ST18: variants seen among roughly 807,000 people sequenced by gnomAD.
ST18 encodes suppression of tumorigenicity 18 protein.
A neutral mutation model predicts 110.0 loss-of-function variants in ST18; 50 were observed. The observed-to-expected ratio is 0.45, with a 90% CI of 0.36 to 0.58. The LOEUF (loss-of-function observed/expected upper bound fraction) is 0.58. Ranked by LOEUF, ST18 falls within the 20% of genes least tolerant of loss-of-function variation. The pLI is 0.00. For missense variants in ST18, 1,306 were observed against 1,280.1 expected (o/e 1.02, Z -0.31); for synonymous variants, 461 against 452.4 (o/e 1.02, Z -0.24).
chr8:52,121,948 C>T (rs192559166), intron 23 of ST18, among the ~76,000 whole-genome samples: 91 of 152,270 alleles, frequency 6.0e-4, no homozygotes, highest in Admixed American at 3.5e-3. Context: ...CAGGTTCAAG[C>T]GATTCTCCTG....
At chr8:52,256,520 G>T (rs138121790) in intron 2 of ST18, among the ~76,000 whole-genome samples, 12 of 152,202 alleles carry the variant, frequency 7.9e-5, no homozygotes, top group East Asian at 7.7e-4. Context: ...GAGTCAGTGC[G>T]CTCCGTCATC....
chr8:52,186,072 A>G (rs954200164), intron 8 of ST18, among the ~76,000 whole-genome samples: 2 of 152,206 alleles, frequency 1.3e-5, no homozygotes, highest in Middle Eastern at 3.2e-3. Flanking sequence ...CCGCTTCTTG[A>G]TATGCATACT....
chr8:52,112,916 C>T lies in ST18; in HGVS notation c.*282G>A. ...TTATAAAAATGTCACATTTATTTTA[C>T]ATATACTTTACAAAAAAAAAAAGAG... is the stretch of plus-strand genomic sequence containing the variant. On this transcript the variant is annotated 3_prime_UTR_variant, in exon 26 of 26. Transcript: ENST00000689386. 1 of 229,054 alleles carries T rather than the reference C, an allele frequency of 4.4e-6. No individual in the cohort carries two copies. The highest frequency in any genetic ancestry group is 7.8e-6 in the Non-Finnish European group (1 of 127,430). 14.2% of individuals were successfully genotyped at this position (229,054 alleles called of 1,614,324 possible). A position where few individuals can be genotyped will look rare whatever the true frequency, so the allele number is the denominator to read the frequency against.
chr8:52,161,266 T>C, intron 14 of ST18, 109 bp downstream of exon 14: 1 of 1,060,378 alleles, frequency 9.4e-7, no homozygotes, highest in Admixed American at 2.6e-5. Flanking sequence ...TCCTGCCAGC[T>C]GTATGTAGTA....
At chr8:52,264,185 G>A (rs756057521) in intron 2 of ST18, among the ~76,000 whole-genome samples, 18 of 152,232 alleles carry the variant, frequency 1.2e-4, no homozygotes, top group Admixed American at 2.6e-4. Flanking sequence ...TTTTTCAACT[G>A]AATTTACATC....
chr8:52,367,931 T>G (rs554181339), intron 2 of ST18, among the ~76,000 whole-genome samples: 1 of 152,340 alleles, frequency 6.6e-6, no homozygotes, highest in African/African-American at 2.4e-5. Flanking sequence ...TAAAAATTAG[T>G]AGTCTAGTGA....
chr8:52,125,504 G>C (rs1382216107), intron 23 of ST18, among the ~76,000 whole-genome samples: 1 of 152,138 alleles, frequency 6.6e-6, no homozygotes, highest in Non-Finnish European at 1.5e-5. Flanking sequence ...TTTGTTTAGA[G>C]ATAGGGCCTC....
chr8:52,137,685 A>G (rs968012950), intron 17 of ST18: 17 of 509,524 alleles, frequency 3.3e-5, no homozygotes, highest in Non-Finnish European at 5.5e-5. Flanking sequence ...TCATAGCATG[A>G]TGAGTTACTT....
chr8:52,151,611 G>A (rs1280626217), intron 15 of ST18, among the ~76,000 whole-genome samples: 3 of 152,158 alleles, frequency 2.0e-5, no homozygotes, highest in Admixed American at 2.0e-4. Context: ...AGTGCCACGT[G>A]TGCTCTCTCT....
Position 52,172,028 on chromosome 8 carries a change from A to C in ST18, c.833T>G (p.Val278Gly), listed in dbSNP as rs1242090213. The C allele has an allele frequency of 1.2e-6, 2 of 1,614,082 alleles. No individual in the cohort carries two copies. The highest frequency in any genetic ancestry group is 2.2e-5 in the South Asian group (2 of 91,080). Reference sequence around the variant, plus strand: ...CAGGCTCTCGCTATCTTCCTCCTCAACGTCAGGGAATGAGGGCTGGGCATT... The same window carrying C: ...CAGGCTCTCGCTATCTTCCTCCTCACCGTCAGGGAATGAGGGCTGGGCATT... The part of the protein sequence containing the change: ...DGNAQPSFPD[V>G]EEEDSESLAV... Residue 278 changes from valine (V) to glycine (G), a missense_variant, in exon 10 of 26, where the codon GTT becomes GGT. Transcript: ENST00000689386.
chr8:52,201,833 C>T (rs2078085029), intron 8 of ST18, among the ~76,000 whole-genome samples: 1 of 152,146 alleles, frequency 6.6e-6, no homozygotes, highest in African/African-American at 2.4e-5. Flanking sequence ...TCATTGATTC[C>T]AGTTTTGTTT....
chr8:52,125,817 A>G (rs1391977814), intron 23 of ST18: 1 of 498,204 alleles, frequency 2.0e-6, no homozygotes, highest in African/African-American at 1.9e-5. Context: ...AATCCATCAT[A>G]CCCCACTGCC....
chr8:52,241,721 C>T (rs962706432), intron 2 of ST18, among the ~76,000 whole-genome samples: 1 of 152,192 alleles, frequency 6.6e-6, no homozygotes, highest in Non-Finnish European at 1.5e-5. Context: ...CTGATAGTTA[C>T]GTTTTTGACT....
rs76754409 is a variant in ST18, at chr8:52,353,820, C to T, written c.-465+55508G>A. Reference sequence around the variant, plus strand: ...GAATGTCAATTTCTGCCTCTCCCTTCGCCTCTGCTGTACTTAAGACTCCCG... The same window carrying T: ...GAATGTCAATTTCTGCCTCTCCCTTTGCCTCTGCTGTACTTAAGACTCCCG... On this transcript the variant is annotated intron_variant, in intron 2 of 25. Coordinates refer to ENST00000689386, the MANE Select transcript of ST18 (RefSeq NM_001352837.2). Among the ~76,000 whole-genome samples the T allele has an allele frequency of 5.4e-3, 815 of 152,312 alleles. 32 individuals carry two copies. In the East Asian group the frequency reaches 0.098, roughly 18 times the overall value.
At chr8:52,273,262 A>G (rs905221214) in intron 2 of ST18, among the ~76,000 whole-genome samples, 1 of 152,216 alleles carries the variant, frequency 6.6e-6, no homozygotes, top group African/African-American at 2.4e-5. Flanking sequence ...AGGGGAGGAC[A>G]GGCTGAGCCC....
chr8:52,179,879 C>T (rs189047409), intron 9 of ST18, among the ~76,000 whole-genome samples: 80 of 152,270 alleles, frequency 5.3e-4, no homozygotes, highest in Non-Finnish European at 9.7e-4. Context: ...GTTCAATCGT[C>T]TGCTTTTGAA....
intron 2 of ST18, chr8:52,406,743 T>C (rs1844650771): frequency 6.6e-6 from 1 of 152,214 alleles, no homozygotes; most frequent in African/African-American, 2.4e-5. Flanking sequence ...GCTACACACA[T>C]TACTCATACA....
intron 2 of ST18, among the ~76,000 whole-genome samples, chr8:52,280,874 A>G (rs1472883537): frequency 6.6e-6 from 1 of 152,104 alleles, no homozygotes; most frequent in East Asian, 1.9e-4. Flanking sequence ...CACAGACTTG[A>G]GCTAAAAGAC....
chr8:52,229,302 C>T (rs952962604), intron 3 of ST18, among the ~76,000 whole-genome samples: 16 of 152,200 alleles, frequency 1.1e-4, no homozygotes, highest in African/African-American at 2.2e-4. Flanking sequence ...AAGTCTGATA[C>T]GGTCTCACCA....
Sources: gnomAD v4.1 joint callset for allele counts (sites outside exome capture counted in the v4.1 genomes callset) on GRCh38, gnomAD v4.1.1 for gene constraint, MANE v1.5 for transcripts, NCBI Gene and HGNC (gene_info 2026-07-23, HGNC 2026-07-21) for gene names.